The following CAPN3 variants were observed in gnomAD, a reference collection of about 807,000 sequenced individuals.
The protein encoded by CAPN3 is calpain 3, also known as calpain-3.
In CAPN3, 88 loss-of-function variants were observed where a neutral mutation model predicts 114.0. The ratio of observed to expected loss-of-function variants is 0.77; its 90% confidence interval spans 0.65 to 0.92. CAPN3 has a LOEUF of 0.92. Ranked by LOEUF, CAPN3 falls within the 40% of genes least tolerant of loss-of-function variation. The pLI is 0.00. For missense variants in CAPN3, 1,028 were observed against 1,069.0 expected, an observed-to-expected ratio of 0.96 and a Z score of 0.53; for synonymous variants, 386 against 382.9, an observed-to-expected ratio of 1.01 and a Z score of -0.09.
intron 7 of CAPN3, 50 bp from the exon 8 acceptor site, chr15:42,394,206 C>G (rs1360718742): frequency 3.3e-6 from 5 of 1,502,038 alleles, no homozygotes; most frequent in Non-Finnish European, 4.5e-6. Flanking sequence ...ACAGAAGATT[C>G]CCTTTCCAGA....
chr15:42,361,304 G>C (rs889763726), intron 1 of CAPN3, among the ~76,000 whole-genome samples: 2 of 151,968 alleles, frequency 1.3e-5, no homozygotes, highest in Admixed American at 6.6e-5. Context: ...TATCTCTTTT[G>C]TACTAAAAAT....
intron 5 of CAPN3, 148 bp from the exon 6 acceptor site, chr15:42,389,805 C>T (rs2053505071): frequency 1.1e-6 from 1 of 880,238 alleles, no homozygotes. Context: ...TCACTTTTCT[C>T]CGTCTTTCCT....
chr15:42,370,639 A>G (rs984310916), intron 1 of CAPN3, among the ~76,000 whole-genome samples: 7 of 152,186 alleles, frequency 4.6e-5, no homozygotes, highest in Non-Finnish European at 7.3e-5. Flanking sequence ...TGGATAAAAC[A>G]GCTAGAGTTA....
Position 42,411,851 on chromosome 15 carries a change from C to G in CAPN3, c.*78C>G. On this transcript the variant is annotated 3_prime_UTR_variant, in exon 24 of 24. Transcript: ENST00000397163. ...ACCCTCTATTTCCAAAGCCATTTAC[C>G]TCAAAGGACCCAGCAGCTACACCCC... The G allele has an allele frequency of 1.2e-6, 2 of 1,612,532 alleles. No individual in the cohort carries two copies. Among genetic ancestry groups the G allele is most frequent in the Non-Finnish European group, 1.7e-6 (2 of 1,179,218 alleles).
intron 1 of CAPN3, among the ~76,000 whole-genome samples, chr15:42,372,745 G>A (rs1461332586): frequency 1.3e-5 from 2 of 152,118 alleles, no homozygotes; most frequent in East Asian, 3.9e-4. Context: ...CTACTTGGGA[G>A]GCTGAGGCAG....
At chr15:42,387,021 A>C (rs1458437912) in intron 3 of CAPN3, among the ~76,000 whole-genome samples, 2 of 152,104 alleles carry the variant, frequency 1.3e-5, no homozygotes, top group Non-Finnish European at 2.9e-5. Context: ...AAGGCCTCAG[A>C]AAAGGTCTGT....
In CAPN3 at chr15:42,411,962, C is replaced by T. The variant is rs2054267760; in HGVS notation, c.*189C>T. ...TTGATCGGTCATGCCTAGCCTGACCCTTTAGTAAAGCAATGAGGTAGGAAG... is the reference window on the plus strand; with the variant it reads ...TTGATCGGTCATGCCTAGCCTGACCTTTTAGTAAAGCAATGAGGTAGGAAG... On this transcript the variant is annotated 3_prime_UTR_variant, in exon 24 of 24. Coordinates refer to ENST00000397163, the MANE Select transcript of CAPN3 (RefSeq NM_000070.3). 12 of 1,519,086 alleles carry T rather than the reference C, an allele frequency of 7.9e-6. No homozygotes were observed. In the South Asian group the frequency reaches 1.1e-4, roughly 15 times the overall value. The allele number at this position is 1,519,086 out of a possible 1,614,324, so 94.1% of individuals were successfully genotyped here.
At chr15:42,396,739 C>T in intron 8 of CAPN3, 61 bp from the exon 9 acceptor site, 1 of 1,312,682 alleles carries the variant, frequency 7.6e-7, no homozygotes, top group African/African-American at 1.4e-5. Context: ...TACCTCCTGT[C>T]CCAACCTACA....
intron 13 of CAPN3, 122 bp downstream of exon 13, chr15:42,403,124 T>C: frequency 2.6e-6 from 2 of 764,358 alleles, no homozygotes; most frequent in Non-Finnish European, 4.6e-6. Context: ...CCTGAGCCAC[T>C]GGCCACATTA....
intron 1 of CAPN3, among the ~76,000 whole-genome samples, chr15:42,380,889 C>G (rs1012249675): frequency 2.7e-5 from 4 of 150,810 alleles, no homozygotes; most frequent in African/African-American, 7.3e-5. Context: ...CGGCACCCGG[C>G]CTTATCTCCT....
chr15:42,402,206 G>A (rs1029729939), intron 12 of CAPN3, 71 bp downstream of exon 12: 19 of 1,610,402 alleles, frequency 1.2e-5, no homozygotes, highest in South Asian at 6.6e-5. Flanking sequence ...TCTGTGGCTC[G>A]TCGAGAAGCT....
intron 16 of CAPN3, chr15:42,408,711 T>C: frequency 2.8e-6 from 1 of 357,488 alleles, no homozygotes; most frequent in South Asian, 2.2e-5. Context: ...TGGGGCTGAC[T>C]TCAGAAATGG....
In CAPN3 at chr15:42,401,716, T is replaced by C; in HGVS notation, c.1430T>C (p.Ile477Thr). 2 of 1,614,092 alleles carry C rather than the reference T, an allele frequency of 1.2e-6. No individual in the cohort carries two copies. Among genetic ancestry groups the C allele is most frequent in the Non-Finnish European group, 1.7e-6 (2 of 1,179,994 alleles). ...GATGACCCTGATGACTCGGAGGTGA[T>C]TTGCAGCTTCCTGGTGGCCCTGATG... The part of the protein sequence containing the change: ...EDDDPDDSEV[I>T]CSFLVALMQK... Residue 477 changes from isoleucine to threonine, a missense_variant, in exon 11 of 24, where the codon ATT becomes ACT. Physicochemically the swap from Ile to Thr is moderately conservative, Grantham distance 89 (BLOSUM62 -1). Coordinates refer to ENST00000397163, the MANE Select transcript of CAPN3 (RefSeq NM_000070.3).
chr15:42,385,513 T>C (rs1307138779), intron 2 of CAPN3, among the ~76,000 whole-genome samples: 1 of 149,196 alleles, frequency 6.7e-6, no homozygotes, highest in African/African-American at 2.5e-5. Context: ...CCCCCTATTA[T>C]ATATATATAT....
intron 1 of CAPN3, among the ~76,000 whole-genome samples, chr15:42,363,691 T>G (rs1285263104): frequency 6.6e-6 from 1 of 152,208 alleles, no homozygotes; most frequent in Non-Finnish European, 1.5e-5. Flanking sequence ...ACAGTAAAGA[T>G]AATCGCTAAT....
At chr15:42,360,203 G>A in intron 1 of CAPN3, 89 bp downstream of exon 1, 2 of 1,391,728 alleles carry the variant, frequency 1.4e-6, no homozygotes, top group Admixed American at 1.7e-5. Context: ...TGTGCACATG[G>A]GCACTGGGGG....
chr15:42,402,555 T>G, intron 12 of CAPN3: 1 of 1,466,672 alleles, frequency 6.8e-7, no homozygotes. Context: ...GAGCAGCTGT[T>G]CTGGTAAGTG....
At position 42,402,856 on chromosome 15, in the gene CAPN3, G is replaced by C; in HGVS notation, c.1599G>C (p.Arg533Ser). 1 of 1,614,200 alleles carries C rather than the reference G, an allele frequency of 6.2e-7. No individual in the cohort carries two copies. Among genetic ancestry groups the C allele is most frequent in the Non-Finnish European group, 8.5e-7 (1 of 1,180,026 alleles). Reference protein sequence around the residue: ...DFFLYNASKARSKTYINMREV... With the variant: ...DFFLYNASKASSKTYINMREV... ...TCCTGTACAACGCCTCCAAGGCCAG[G>C]AGCAAAACCTACATCAACATGCGGG... The change falls in exon 13 of 24, where the codon AGG (arginine) becomes AGC (serine). Residue 533 changes from arginine (R) to serine (S), a missense_variant. Transcript: ENST00000397163.
intron 16 of CAPN3, 90 bp from the exon 17 acceptor site, chr15:42,409,213 G>A: frequency 7.9e-7 from 1 of 1,257,878 alleles, no homozygotes; most frequent in Non-Finnish European, 1.2e-6. Flanking sequence ...GCCGTTTTAG[G>A]CACTTGGCTC....
Sources: gnomAD v4.1 joint callset for allele counts (sites outside exome capture counted in the v4.1 genomes callset) on GRCh38, gnomAD v4.1.1 for gene constraint, MANE v1.5 for transcripts, NCBI Gene and HGNC (gene_info 2026-07-23, HGNC 2026-07-21) for gene names.